MGAM2: variants seen among roughly 807,000 people sequenced by gnomAD.
MGAM2 encodes maltase-glucoamylase 2 (putative).
A neutral mutation model predicts 96.1 loss-of-function variants in MGAM2; 98 were observed. The observed-to-expected ratio is 1.02, with a 90% confidence interval of 0.87 to 1.21. MGAM2 has a LOEUF of 1.21. Among genes scored for constraint, MGAM2 ranks in the 50% most tolerant of loss-of-function variants. The pLI, the probability that MGAM2 is intolerant of heterozygous loss-of-function variation, is 0.00. For missense variants in MGAM2, 2,055 were observed against 1,182.4 expected, an observed-to-expected ratio of 1.74 and a Z score of -10.82; for synonymous variants, 749 against 414.8, an observed-to-expected ratio of 1.81 and a Z score of -9.79.
chr7:142,187,300 A>G (rs994860395), intron 35 of MGAM2, among the ~76,000 whole-genome samples: 2 of 152,258 alleles, frequency 1.3e-5, no homozygotes, highest in African/African-American at 4.8e-5. Flanking sequence ...CTGGACTAAG[A>G]AAAAATAGAG....
rs1795789106 is a variant in MGAM2, at chr7:142,158,078, C to T, written c.2065C>T (p.Pro689Ser). The change falls in exon 18 of 48, where the codon CCC becomes TCC. Residue 689 changes from proline (P) to serine (S), a missense_variant. By Grantham distance (74) the Pro-to-Ser change is moderately conservative (BLOSUM62 -1). Coordinates refer to ENST00000477922, the MANE Select transcript of MGAM2 (RefSeq NM_001293626.2). ...CACCCGGGGAGAGACGGTAGCAAGG[C>T]CCCTTGTACATGAGTGAGTTTCCTG... ...AHTRGETVARPLVHEFYQDSA... is the reference protein window; with the variant it reads ...AHTRGETVARSLVHEFYQDSA... 1.4e-6 allele frequency: 1 copy of T among 702,614 alleles called. No homozygotes were observed. The highest frequency in any genetic ancestry group is 1.5e-5 in the South Asian group (1 of 67,482). The allele number at this position is 702,614 out of a possible 1,614,324, so 43.5% of individuals were successfully genotyped here.
rs1278456948 is a variant in MGAM2 at position 142,221,724 on chromosome 7, T to G, written c.7213T>G (p.Leu2405Val). ...TTTLALSHTS[L>V]APTNLSNLGT... is the part of the protein sequence containing the mutation. ...AACACTGGCCTTAAGCCACACCTCA[T>G]TAGCTCCTACAAATCTTTCTAATCT... Residue 2405 changes from leucine (L) to valine (V), a missense_variant, in exon 48 of 48, where the codon TTA (leucine) becomes GTA (valine). Physicochemically the swap from Leu to Val is conservative, Grantham distance 32 (BLOSUM62 1). Transcript: ENST00000477922. 2.4e-6 allele frequency: 1 copy of G among 410,784 alleles called. No homozygotes were observed. The highest frequency in any genetic ancestry group is 2.1e-5 in the African/African-American group (1 of 48,746). The allele number at this position is 410,784 out of a possible 1,614,324, so 25.4% of individuals were successfully genotyped here.
intron 15 of MGAM2, among the ~76,000 whole-genome samples, chr7:142,152,069 C>G: frequency 6.6e-6 from 1 of 151,976 alleles, no homozygotes; most frequent in South Asian, 2.1e-4. Context: ...TTTCAGTGAT[C>G]ACAACCTGAT....
intron 46 of MGAM2, among the ~76,000 whole-genome samples, chr7:142,211,789 T>A (rs1585223341): frequency 1.3e-5 from 2 of 152,210 alleles, no homozygotes; most frequent in Admixed American, 6.5e-5. Flanking sequence ...TCCAGGAGAA[T>A]TTTCCAACCT....
intron 16 of MGAM2, among the ~76,000 whole-genome samples, chr7:142,154,510 G>A (rs116616725): frequency 0.021 from 3,199 of 152,264 alleles, 112 homozygotes; most frequent in African/African-American, 0.073. Context: ...TTAAGGAACA[G>A]CCTCAACACA....
intron 3 of MGAM2, among the ~76,000 whole-genome samples, chr7:142,130,470 G>C (rs560199577): frequency 1.3e-5 from 2 of 152,296 alleles, no homozygotes; most frequent in African/African-American, 4.8e-5. Context: ...AGTCTGTCAT[G>C]CACTGCTGCT....
chr7:142,166,319 C>A (rs867847471), intron 25 of MGAM2, 66 bp downstream of exon 25: 2 of 621,620 alleles, frequency 3.2e-6, no homozygotes, highest in East Asian at 2.9e-5. Context: ...AAACACTTTT[C>A]AAATGTCTGT....
Position 142,196,305 on chromosome 7 carries a change from C to A in MGAM2, c.4480+18C>A. The A allele has an allele frequency of 1.4e-6, 1 of 720,570 alleles. No individual in the cohort carries two copies. The highest frequency in any genetic ancestry group is 2.5e-6 in the Non-Finnish European group (1 of 397,592). 44.6% of individuals were successfully genotyped at this position (720,570 alleles called of 1,614,324 possible). ...TATCATTGGTGTGTGGGCTCATTCC[C>A]AGGGGCCTGTGCTGGCAGGGAGGGC... is the stretch of plus-strand genomic sequence containing the variant. On this transcript the variant is annotated intron_variant, in intron 38 of 47. Coordinates refer to ENST00000477922, the MANE Select transcript of MGAM2 (RefSeq NM_001293626.2).
chr7:142,127,529 G>A (rs550624797), intron 3 of MGAM2, among the ~76,000 whole-genome samples: 14 of 151,858 alleles, frequency 9.2e-5, no homozygotes, highest in Non-Finnish European at 1.8e-4. Context: ...GAAGTGATAT[G>A]GTTTGATCCT....
At chr7:142,140,717 T>C in intron 10 of MGAM2, 85 bp from the exon 11 acceptor site, 1 of 570,894 alleles carries the variant, frequency 1.8e-6, no homozygotes, top group Non-Finnish European at 3.1e-6. Flanking sequence ...GGTTTCATTT[T>C]CAATGGTCAG....
chr7:142,185,739 A>G (rs1196276804), intron 34 of MGAM2, among the ~76,000 whole-genome samples: 1 of 152,218 alleles, frequency 6.6e-6, no homozygotes, highest in Non-Finnish European at 1.5e-5. Context: ...TCTTGTGATT[A>G]CATGTCCAGT....
chr7:142,144,803 C>G, intron 13 of MGAM2, 58 bp from the exon 14 acceptor site: 1 of 661,868 alleles, frequency 1.5e-6, no homozygotes, highest in South Asian at 1.6e-5. Flanking sequence ...AAGCGTTTCT[C>G]AACAGCTAAA....
chr7:142,177,748 AT>A (rs1796420124), intron 32 of MGAM2, among the ~76,000 whole-genome samples: 1 of 152,042 alleles, frequency 6.6e-6, no homozygotes, highest in Non-Finnish European at 1.5e-5. Flanking sequence ...TATGTACCAT[AT>A]TTTCTTTATC....
At chr7:142,131,817 A>C in intron 5 of MGAM2, 114 bp from the exon 6 acceptor site, 1 of 613,454 alleles carries the variant, frequency 1.6e-6, no homozygotes, top group Non-Finnish European at 2.9e-6. Context: ...CCACAAGGTG[A>C]AGAATTAGAA....
At chr7:142,149,816 C>T (rs1237717938) in intron 15 of MGAM2, among the ~76,000 whole-genome samples, 1 of 152,174 alleles carries the variant, frequency 6.6e-6, no homozygotes, top group Admixed American at 6.5e-5. Flanking sequence ...GCTGGGATTA[C>T]AGGCGTGAGC....
intron 45 of MGAM2, among the ~76,000 whole-genome samples, chr7:142,200,569 T>C (rs1394366513): frequency 1.3e-5 from 2 of 152,210 alleles, no homozygotes; most frequent in South Asian, 2.1e-4. Flanking sequence ...GAATTTTCTA[T>C]AGATATATGG....
In MGAM2 at chr7:142,160,158, C is replaced by T. The variant is rs1031618833; in HGVS notation, c.2245C>T (p.Gln749Ter). Reference protein sequence around the residue: ...ETGVAISWRKQLVNMLLPGDK... With the variant: ...ETGVAISWRK Reference sequence around the variant, plus strand: ...GGGAGTGGCCATCTCATGGAGGAAACAGTTGGTGAATATGCTTCTCCCAGG... The same window carrying T: ...GGGAGTGGCCATCTCATGGAGGAAATAGTTGGTGAATATGCTTCTCCCAGG... Residue 749 changes from glutamine (Q) to a stop codon, truncating the protein, a stop_gained, in exon 21 of 48, where the codon CAG becomes TAG. Transcript: ENST00000477922. LOFTEE classifies it high-confidence loss of function. 1.4e-6 allele frequency: 1 copy of T among 702,428 alleles called. No individual in the cohort carries two copies. Among genetic ancestry groups the T allele is most frequent in the Non-Finnish European group, 2.6e-6 (1 of 384,760 alleles). The allele number at this position is 702,428 out of a possible 1,614,324, so 43.5% of individuals were successfully genotyped here.
At chr7:142,161,479 G>A (rs367856612) in intron 22 of MGAM2, among the ~76,000 whole-genome samples, 51 of 152,194 alleles carry the variant, frequency 3.4e-4, no homozygotes, top group African/African-American at 1.1e-3. Flanking sequence ...CTCTTCCTTG[G>A]ATATTAATTA....
intron 45 of MGAM2, among the ~76,000 whole-genome samples, chr7:142,201,379 C>T (rs1478723370): frequency 6.6e-6 from 1 of 152,044 alleles, no homozygotes; most frequent in East Asian, 1.9e-4. Context: ...CCATATATAA[C>T]ATCCTTGAGT....
Sources: allele counts gnomAD v4.1 joint callset (sites outside exome capture counted in the v4.1 genomes callset), GRCh38; gene constraint gnomAD v4.1.1; transcripts MANE v1.5; gene names NCBI Gene and HGNC (gene_info 2026-07-23, HGNC 2026-07-21).